The following B3GALT1 variants were observed in gnomAD, a reference collection of about 807,000 sequenced individuals.
The protein encoded by B3GALT1 is UDP-Gal:betaGlcNAc beta 1,3-galactosyltransferase, polypeptide 1.
In B3GALT1, 10 loss-of-function variants were observed where a neutral mutation model predicts 23.2. The observed-to-expected ratio is 0.43, with a 90% CI of 0.27 to 0.73. B3GALT1 has a LOEUF of 0.73. Ranked by LOEUF, B3GALT1 falls within the 30% of genes least tolerant of loss-of-function variation. The pLI is 0.21. For missense variants in B3GALT1, 299 were observed against 405.4 expected (o/e 0.74, Z 2.25); for synonymous variants, 156 against 141.5 (o/e 1.10, Z -0.73).
chr2:167,296,776 T>G (rs1173116231), intron 1 of B3GALT1, among the ~76,000 whole-genome samples: 1 of 152,220 alleles, frequency 6.6e-6, no homozygotes, highest in African/African-American at 2.4e-5. Flanking sequence ...TGAATACTTG[T>G]ATGAGTAAAT....
intron 2 of B3GALT1, among the ~76,000 whole-genome samples, chr2:167,490,737 A>G (rs1699696934): frequency 6.6e-6 from 1 of 152,052 alleles, no homozygotes; most frequent in Admixed American, 6.5e-5. Flanking sequence ...TGTGCTGCTG[A>G]GCAATACAAC....
intron 4 of B3GALT1, among the ~76,000 whole-genome samples, chr2:167,841,142 T>A (rs937984521): frequency 4.6e-5 from 7 of 151,506 alleles, no homozygotes; most frequent in African/African-American, 1.7e-4. Context: ...AACCTGCACA[T>A]TGTGCACATG....
intron 2 of B3GALT1, among the ~76,000 whole-genome samples, chr2:167,583,941 A>C (rs1284705791): frequency 6.6e-6 from 1 of 151,958 alleles, no homozygotes; most frequent in Non-Finnish European, 1.5e-5. Flanking sequence ...CTGTAATAGC[A>C]AAATTATGTC....
intron 1 of B3GALT1, among the ~76,000 whole-genome samples, chr2:167,297,731 G>A (rs1696375511): frequency 6.6e-6 from 1 of 152,044 alleles, no homozygotes; most frequent in Non-Finnish European, 1.5e-5. Flanking sequence ...TATGAAGAAT[G>A]GAACCTAGCT....
At chr2:167,491,595 A>G (rs1699711227) in intron 2 of B3GALT1, among the ~76,000 whole-genome samples, 1 of 150,472 alleles carries the variant, frequency 6.6e-6, no homozygotes, top group Admixed American at 6.6e-5. Flanking sequence ...CGGGCAGATC[A>G]CGAGGTCAGG....
intron 2 of B3GALT1, among the ~76,000 whole-genome samples, chr2:167,641,149 C>T (rs943395496): frequency 6.6e-6 from 1 of 152,112 alleles, no homozygotes; most frequent in Non-Finnish European, 1.5e-5. Context: ...TATGGTTCAG[C>T]AGGAAAGACA....
At chr2:167,481,750 GC>G (rs1699565502) in intron 1 of B3GALT1, among the ~76,000 whole-genome samples, 1 of 152,154 alleles carries the variant, frequency 6.6e-6, no homozygotes, top group Non-Finnish European at 1.5e-5. Context: ...GAAGTTCACA[GC>G]CAAACCTGGA....
At chr2:167,672,075 C>T (rs1189606896) in intron 3 of B3GALT1, among the ~76,000 whole-genome samples, 1 of 152,050 alleles carries the variant, frequency 6.6e-6, no homozygotes, top group East Asian at 1.9e-4. Context: ...CTGAATTTGT[C>T]ATGGAAATTT....
intron 3 of B3GALT1, among the ~76,000 whole-genome samples, chr2:167,739,005 T>C (rs1390714633): frequency 6.6e-6 from 1 of 152,212 alleles, no homozygotes; most frequent in Non-Finnish European, 1.5e-5. Flanking sequence ...TGTCTCCCTA[T>C]GCTACACCTA....
In B3GALT1 at chr2:167,854,619, A is replaced by G. The variant is rs143829654; in HGVS notation, c.-229-14192A>G. Among the ~76,000 whole-genome samples the G allele has an allele frequency of 6.5e-4, 99 of 152,222 alleles. 1 individual carries two copies. The highest frequency in any genetic ancestry group is 2.1e-3 in the African/African-American group (88 of 41,530). The stretch of plus-strand genomic sequence containing the variant: ...TCTCATGCTGCTCACTTCTCCATCT[A>G]TGTCTTGCCCAGAGGTATCTGATGG... On this transcript the variant is annotated intron_variant, in intron 4 of 4. Coordinates refer to ENST00000392690, the MANE Select transcript of B3GALT1 (RefSeq NM_020981.4).
intron 3 of B3GALT1, among the ~76,000 whole-genome samples, chr2:167,685,117 G>C (rs1259008630): frequency 1.3e-5 from 2 of 152,216 alleles, no homozygotes; most frequent in African/African-American, 4.8e-5. Context: ...GTTGTAAAAT[G>C]ATGCTGCAAA....
intron 1 of B3GALT1, among the ~76,000 whole-genome samples, chr2:167,423,267 A>C (rs1698574767): frequency 6.6e-6 from 1 of 152,202 alleles, no homozygotes; most frequent in African/African-American, 2.4e-5. Context: ...GTACTGAGCC[A>C]GTGTCAGCCC....
At chr2:167,672,508 T>C (rs1381267217) in intron 3 of B3GALT1, among the ~76,000 whole-genome samples, 1 of 152,062 alleles carries the variant, frequency 6.6e-6, no homozygotes, top group East Asian at 1.9e-4. Flanking sequence ...GAAATAACAA[T>C]TGCACTGATT....
intron 2 of B3GALT1, among the ~76,000 whole-genome samples, chr2:167,521,981 T>TATATATATATATATATATATATATACAC (rs1308275304): frequency 8.4e-5 from 6 of 71,304 alleles, no homozygotes; most frequent in Admixed American, 5.8e-4. Context: ...TGTGTGTGTG[T>TATATATATATATATATATATATATACAC]GTGTATATAT....
At chr2:167,443,969 GT>G (rs879800933) in intron 1 of B3GALT1, among the ~76,000 whole-genome samples, 1 of 152,180 alleles carries the variant, frequency 6.6e-6, no homozygotes, top group Non-Finnish European at 1.5e-5. Context: ...AATGCTTCCA[GT>G]TTTTGCCCAT....
intron 2 of B3GALT1, among the ~76,000 whole-genome samples, chr2:167,567,982 G>A (rs1483453557): frequency 6.6e-6 from 1 of 152,022 alleles, no homozygotes; most frequent in African/African-American, 2.4e-5. Flanking sequence ...GAATCATACA[G>A]TATGTAGCAT....
At chr2:167,581,919 G>C (rs561930811) in intron 2 of B3GALT1, among the ~76,000 whole-genome samples, 3 of 152,056 alleles carry the variant, frequency 2.0e-5, no homozygotes, top group African/African-American at 7.2e-5. Flanking sequence ...TGTTAAGAAC[G>C]GTCTAACTGA....
At chr2:167,844,480 C>T (rs1689714469) in intron 4 of B3GALT1, among the ~76,000 whole-genome samples, 1 of 152,218 alleles carries the variant, frequency 6.6e-6, no homozygotes, top group Admixed American at 6.5e-5. Flanking sequence ...CACACCCCTA[C>T]TGGAGAAACT....
intron 3 of B3GALT1, among the ~76,000 whole-genome samples, chr2:167,719,368 G>A (rs1229701622): frequency 6.6e-6 from 1 of 152,194 alleles, no homozygotes; most frequent in African/African-American, 2.4e-5. Context: ...CCGCGAATGT[G>A]TGCTTGATAT....
Sources: allele counts gnomAD v4.1 joint callset (sites outside exome capture counted in the v4.1 genomes callset), GRCh38; gene constraint gnomAD v4.1.1; transcripts MANE v1.5; gene names NCBI Gene and HGNC (gene_info 2026-07-23, HGNC 2026-07-21).